ZNF385D: variants seen among roughly 807,000 people sequenced by gnomAD.
ZNF385D encodes the protein zinc finger protein 385D.
In ZNF385D, 15 loss-of-function variants were observed where a neutral mutation model predicts 35.8. The ratio of observed to expected loss-of-function variants is 0.42; its 90% CI spans 0.28 to 0.64. The LOEUF is 0.64. Ranked by LOEUF, ZNF385D falls within the 30% of genes least tolerant of loss-of-function variation. The pLI is 0.23. For synonymous variants in ZNF385D, 212 were observed against 186.8 expected, an observed-to-expected ratio of 1.13 and a Z score of -1.10; for missense variants, 474 against 494.6, an observed-to-expected ratio of 0.96 and a Z score of 0.39.
intron 1 of ZNF385D, among the ~76,000 whole-genome samples, chr3:21,717,771 C>T (rs1017415513): frequency 9.2e-5 from 14 of 152,276 alleles, no homozygotes; most frequent in African/African-American, 3.1e-4. Flanking sequence ...CCCTGTAAAA[C>T]GTGCCTTTCA....
intron 3 of ZNF385D, among the ~76,000 whole-genome samples, chr3:21,828,411 C>T (rs573218253): frequency 1.3e-5 from 2 of 151,910 alleles, no homozygotes; most frequent in Non-Finnish European, 2.9e-5. Flanking sequence ...CATTTTGGTG[C>T]CCATTAGAGA....
intron 3 of ZNF385D, among the ~76,000 whole-genome samples, chr3:22,006,449 A>G (rs148521952): frequency 1.3e-3 from 200 of 152,250 alleles, no homozygotes; most frequent in African/African-American, 4.6e-3. Context: ...GTTCCCAGAA[A>G]TGATTTTGAA....
intron 3 of ZNF385D, among the ~76,000 whole-genome samples, chr3:21,518,641 TAG>T (rs1200845750): frequency 6.6e-6 from 1 of 152,204 alleles, no homozygotes; most frequent in Non-Finnish European, 1.5e-5. Flanking sequence ...TAGCCATGTC[TAG>T]TTTTTTTCCT....
At chr3:22,040,833 G>T (rs1698621839) in intron 3 of ZNF385D, among the ~76,000 whole-genome samples, 1 of 152,116 alleles carries the variant, frequency 6.6e-6, no homozygotes, top group African/African-American at 2.4e-5. Flanking sequence ...GAAATACAAA[G>T]GCAATAAATA....
intron 3 of ZNF385D, among the ~76,000 whole-genome samples, chr3:22,136,386 T>TAAA (rs34116818): frequency 6.8e-6 from 1 of 146,600 alleles, no homozygotes; most frequent in Non-Finnish European, 1.5e-5. Context: ...AGACTTTGTC[T>TAAA]AAAAAAAAAA....
In ZNF385D at chr3:21,685,337, C is replaced by T. The variant is rs73138848; in HGVS notation, c.23-20309G>A. ...AAGAATTCAACCTATGCTTGAAACA[C>T]AAGCACACTTTCAAAATATTAAGCT... is the stretch of plus-strand genomic sequence containing the variant. On this transcript the variant is annotated intron_variant, in intron 1 of 7. Transcript: ENST00000281523. 8.3e-3 allele frequency among the ~76,000 whole-genome samples: 1,258 copies of T among 152,276 alleles called. 25 individuals are homozygous for T. The highest frequency in any genetic ancestry group is 0.028 in the African/African-American group (1,181 of 41,562).
chr3:21,961,821 G>T (rs936262615), intron 3 of ZNF385D, among the ~76,000 whole-genome samples: 3 of 152,012 alleles, frequency 2.0e-5, no homozygotes, highest in African/African-American at 7.2e-5. Flanking sequence ...GATGGGATGG[G>T]GAGCAACTCT....
chr3:22,352,070 G>A lies in ZNF385D; in HGVS notation c.106+20380C>T, dbSNP rs1273560409. Among the ~76,000 whole-genome samples, 5 of 152,128 alleles carry A rather than the reference G, an allele frequency of 3.3e-5. No homozygotes were observed. In the East Asian group the frequency reaches 9.6e-4, roughly 29 times the overall value. On this transcript the variant is annotated intron_variant, in intron 2 of 5. Transcript: ENST00000494108. ...CCACAAACCTTTACACAGTGGCAAGGAAGAAATGATTCTCCAGCAATATGA... is the reference window on the plus strand; with the variant it reads ...CCACAAACCTTTACACAGTGGCAAGAAAGAAATGATTCTCCAGCAATATGA...
Position 22,180,914 on chromosome 3 carries a change from C to CTTTTTTT in ZNF385D, c.107-11886_107-11880dup, listed in dbSNP as rs61668943. Reference sequence around the variant, plus strand: ...AATCCAGTAGCTATATGCTTTTGTTCTTTTTTTTTTTTTTTTAAGAGACAG... The same window carrying CTTTTTTT: ...AATCCAGTAGCTATATGCTTTTGTTCTTTTTTTTTTTTTTTTTTTTTTTAAGAGACAG... On this transcript the variant is annotated intron_variant, in intron 2 of 5. Coordinates refer to the ZNF385D transcript ENST00000494108. Among the ~76,000 whole-genome samples the CTTTTTTT allele has an allele frequency of 4.5e-3, 513 of 112,938 alleles. 40 individuals carry two copies. Among genetic ancestry groups the CTTTTTTT allele is most frequent in the African/African-American group, 0.021 (492 of 23,768 alleles). The allele number at this position is 112,938 out of a possible 152,430, so 74.1% of individuals were successfully genotyped here. A position where few individuals can be genotyped will look rare whatever the true frequency, so the allele number is the denominator to read the frequency against.
chr3:21,770,968 T>C (rs2071049736), intron 3 of ZNF385D, among the ~76,000 whole-genome samples: 1 of 151,786 alleles, frequency 6.6e-6, no homozygotes, highest in Non-Finnish European at 1.5e-5. Flanking sequence ...AAACCATCAT[T>C]CTCAGCAAAC....
chr3:21,680,578 G>A (rs542236579), intron 1 of ZNF385D, among the ~76,000 whole-genome samples: 9 of 152,106 alleles, frequency 5.9e-5, no homozygotes, highest in East Asian at 5.8e-4. Context: ...TAATAATATC[G>A]GATATGATGA....
chr3:21,540,305 G>A (rs1053085545), intron 3 of ZNF385D, among the ~76,000 whole-genome samples: 1 of 152,176 alleles, frequency 6.6e-6, no homozygotes, highest in African/African-American at 2.4e-5. Flanking sequence ...GTCAAAGATA[G>A]ACATGACAAC....
At chr3:21,667,016 G>A (rs1168946119) in intron 1 of ZNF385D, among the ~76,000 whole-genome samples, 2 of 152,198 alleles carry the variant, frequency 1.3e-5, no homozygotes, top group Non-Finnish European at 2.9e-5. Context: ...GGCAGAGGTT[G>A]CAGTAAGCCG....
chr3:22,332,119 A>G (rs1044292068), intron 2 of ZNF385D, among the ~76,000 whole-genome samples: 3 of 152,318 alleles, frequency 2.0e-5, no homozygotes, highest in African/African-American at 7.2e-5. Flanking sequence ...CCTATTCACT[A>G]CTTCTATCCA....
chr3:22,110,054 C>T (rs868763117), intron 3 of ZNF385D, among the ~76,000 whole-genome samples: 53 of 152,168 alleles, frequency 3.5e-4, no homozygotes, highest in African/African-American at 1.1e-3. Context: ...TCATCACTGA[C>T]CATCAGAGAA....
At chr3:21,573,531 A>G (rs943788314) in intron 2 of ZNF385D, among the ~76,000 whole-genome samples, 6 of 152,214 alleles carry the variant, frequency 3.9e-5, no homozygotes, top group Admixed American at 3.9e-4. Context: ...GCACCAAGAG[A>G]TAATTACGAG....
intron 2 of ZNF385D, among the ~76,000 whole-genome samples, chr3:21,611,139 C>T (rs1406991429): frequency 1.3e-5 from 2 of 152,218 alleles, no homozygotes; most frequent in Admixed American, 6.5e-5. Flanking sequence ...TCACATTTAT[C>T]CTGTTGCCTT....
At chr3:21,506,211 C>T (rs233162) in intron 4 of ZNF385D, among the ~76,000 whole-genome samples, 109,688 of 152,064 alleles carry the variant, frequency 0.72, 39,853 homozygotes, top group East Asian at 0.83. Context: ...AGAAATATTA[C>T]GTGTCAGTCC....
chr3:21,823,068 G>A (rs1156936865), intron 3 of ZNF385D, among the ~76,000 whole-genome samples: 7 of 151,968 alleles, frequency 4.6e-5, no homozygotes, highest in Non-Finnish European at 8.8e-5. Context: ...AAGCTGCAGA[G>A]TGGATACTCA....
Sources: gnomAD v4.1 joint callset for allele counts (sites outside exome capture counted in the v4.1 genomes callset) on GRCh38, gnomAD v4.1.1 for gene constraint, MANE v1.5 for transcripts, NCBI Gene and HGNC (gene_info 2026-07-23, HGNC 2026-07-21) for gene names.